ADAMTS6: variants seen among roughly 807,000 people sequenced by gnomAD.
The protein encoded by ADAMTS6 is ADAM metallopeptidase with thrombospondin type 1 motif 6, also known as A disintegrin and metalloproteinase with thrombospondin motifs 6.
In ADAMTS6, 23 loss-of-function variants were observed where a neutral mutation model predicts 144.3. The observed-to-expected ratio is 0.16, with a 90% confidence interval of 0.11 to 0.23. The LOEUF (loss-of-function observed/expected upper bound fraction) is 0.23. ADAMTS6 is among the 10% of genes least tolerant of loss of function. The pLI, the probability that ADAMTS6 is intolerant of heterozygous loss-of-function variation, is 1.00. For synonymous variants in ADAMTS6, 444 were observed against 457.5 expected, an observed-to-expected ratio of 0.97 and a Z score of 0.38; for missense variants, 999 against 1,379.6, an observed-to-expected ratio of 0.72 and a Z score of 4.37.
rs573041317 is a variant in ADAMTS6 at position 65,428,036 on chromosome 5, G to A, written c.1073+23439C>T. 8.7e-4 allele frequency among the ~76,000 whole-genome samples: 132 copies of A among 151,778 alleles called. 1 individual carries two copies. The highest frequency in any genetic ancestry group is 4.6e-3 in the Admixed American group (70 of 15,258). ...AGGTCAGGAGTTCAAGACCAGCCTG[G>A]CCAACATGGTGAAAGCCCGTCTCTA... On this transcript the variant is annotated intron_variant, in intron 7 of 24. Transcript: ENST00000381055.
At chr5:65,473,394 G>A (rs948630901) in intron 2 of ADAMTS6, among the ~76,000 whole-genome samples, 183 bp downstream of exon 2, 12 of 152,058 alleles carry the variant, frequency 7.9e-5, no homozygotes, top group African/African-American at 2.9e-4. Flanking sequence ...ATACTAGTAG[G>A]ACAAGTTAAA....
At chr5:65,176,207 A>T (rs1044603806) in intron 22 of ADAMTS6, among the ~76,000 whole-genome samples, 2 of 152,222 alleles carry the variant, frequency 1.3e-5, no homozygotes, top group African/African-American at 2.4e-5. Flanking sequence ...ATTTAAAGAA[A>T]TAAATGTTTG....
At chr5:65,254,176 C>T (rs1016832789) in intron 14 of ADAMTS6, among the ~76,000 whole-genome samples, 8 of 151,970 alleles carry the variant, frequency 5.3e-5, no homozygotes, top group Non-Finnish European at 1.0e-4. Flanking sequence ...AATCACCTCA[C>T]CTTTTATGAT....
intron 22 of ADAMTS6, among the ~76,000 whole-genome samples, chr5:65,185,047 A>C (rs1754588161): frequency 1.3e-5 from 2 of 152,148 alleles, no homozygotes; most frequent in African/African-American, 4.8e-5. Context: ...GTGTCAAAAA[A>C]ATTGTGTGAA....
At chr5:65,460,615 C>T (rs1217561700) in intron 3 of ADAMTS6, among the ~76,000 whole-genome samples, 1 of 152,206 alleles carries the variant, frequency 6.6e-6, no homozygotes, top group Non-Finnish European at 1.5e-5. Context: ...TGTGAGGTAA[C>T]AGATTTTATG....
At chr5:65,192,474 T>C (rs1288535279) in intron 21 of ADAMTS6, among the ~76,000 whole-genome samples, 1 of 152,024 alleles carries the variant, frequency 6.6e-6, no homozygotes, top group Non-Finnish European at 1.5e-5. Context: ...CATACAGGAA[T>C]AATATTTATC....
chr5:65,203,233 G>A (rs756326728), intron 20 of ADAMTS6, among the ~76,000 whole-genome samples: 6 of 152,112 alleles, frequency 3.9e-5, no homozygotes, highest in Non-Finnish European at 7.4e-5. Flanking sequence ...AATCATGCTG[G>A]TATACCCAGC....
At chr5:65,270,959 C>T (rs1301266131) in intron 12 of ADAMTS6, among the ~76,000 whole-genome samples, 2 of 152,028 alleles carry the variant, frequency 1.3e-5, no homozygotes, top group African/African-American at 2.4e-5. Context: ...CTATAGACTT[C>T]ATTTAAAGAA....
At chr5:65,247,652 G>A (rs767475953) in intron 14 of ADAMTS6, among the ~76,000 whole-genome samples, 17 of 152,012 alleles carry the variant, frequency 1.1e-4, no homozygotes, top group Admixed American at 7.2e-4. Context: ...GAATGAAAAC[G>A]CCTTTGTCCC....
intron 7 of ADAMTS6, among the ~76,000 whole-genome samples, chr5:65,416,862 C>A (rs565277275): frequency 5.9e-5 from 9 of 151,766 alleles, no homozygotes; most frequent in African/African-American, 2.2e-4. Flanking sequence ...GGAGGAGGGA[C>A]TCCTCCCTAA....
At chr5:65,403,466 G>T (rs115052850) in intron 7 of ADAMTS6, among the ~76,000 whole-genome samples, 1 of 151,992 alleles carries the variant, frequency 6.6e-6, no homozygotes, top group South Asian at 2.1e-4. Context: ...AAGAATTCTC[G>T]ATCTTCCCCT....
At chr5:65,325,817 C>A (rs750949920) in intron 9 of ADAMTS6, among the ~76,000 whole-genome samples, 7 of 152,074 alleles carry the variant, frequency 4.6e-5, no homozygotes, top group Non-Finnish European at 8.8e-5. Context: ...TTTAAAAATT[C>A]TCTCAATATT....
intron 24 of ADAMTS6, among the ~76,000 whole-genome samples, chr5:65,163,617 A>G (rs1332186154): frequency 1.3e-5 from 2 of 152,266 alleles, no homozygotes; most frequent in Non-Finnish European, 2.9e-5. Context: ...ATCAAAAGAA[A>G]GAGATCTCTC....
intron 11 of ADAMTS6, among the ~76,000 whole-genome samples, chr5:65,283,921 T>C (rs750003091): frequency 1.3e-5 from 2 of 151,952 alleles, no homozygotes; most frequent in Non-Finnish European, 2.9e-5. Context: ...AACCAGAAAA[T>C]GGTTTTTGAG....
At chr5:65,333,259 C>A (rs145465889) in intron 8 of ADAMTS6, among the ~76,000 whole-genome samples, 4 of 152,170 alleles carry the variant, frequency 2.6e-5, no homozygotes, top group Middle Eastern at 3.4e-3. Flanking sequence ...TTTAAAATAA[C>A]TTTAGTTGCT....
At chr5:65,311,236 G>A (rs1254562566) in intron 9 of ADAMTS6, among the ~76,000 whole-genome samples, 1 of 151,948 alleles carries the variant, frequency 6.6e-6, no homozygotes, top group East Asian at 1.9e-4. Context: ...CCTTAATGGT[G>A]GATAATGTAA....
At chr5:65,326,053 T>A (rs1746135591) in intron 9 of ADAMTS6, among the ~76,000 whole-genome samples, 2 of 152,086 alleles carry the variant, frequency 1.3e-5, no homozygotes, top group South Asian at 2.1e-4. Context: ...ATCCTGGACA[T>A]CATGTCACTT....
At chr5:65,438,673 C>T (rs973445953) in intron 7 of ADAMTS6, among the ~76,000 whole-genome samples, 2 of 152,156 alleles carry the variant, frequency 1.3e-5, no homozygotes, top group South Asian at 2.1e-4. Context: ...CTTGTTTTTG[C>T]TGTTGGCCAT....
intron 20 of ADAMTS6, among the ~76,000 whole-genome samples, chr5:65,208,375 G>A (rs374644049): frequency 6.6e-6 from 1 of 152,156 alleles, no homozygotes; most frequent in African/African-American, 2.4e-5. Context: ...ATTGTTTAAA[G>A]TTCTCCTTGG....
Sources: allele counts gnomAD v4.1 joint callset (sites outside exome capture counted in the v4.1 genomes callset), GRCh38; gene constraint gnomAD v4.1.1; transcripts MANE v1.5; gene names NCBI Gene and HGNC (gene_info 2026-07-23, HGNC 2026-07-21).